The following SV2C variants were observed in gnomAD, a reference collection of about 807,000 sequenced individuals.
SV2C encodes synaptic vesicle glycoprotein 2C, also known as solute carrier family 22 member B3.
A neutral mutation model predicts 79.7 loss-of-function variants in SV2C; 49 were observed. That is an observed-to-expected ratio of 0.61 (90% CI 0.49 to 0.78). The LOEUF is 0.78. SV2C is among the 30% of genes least tolerant of loss of function. The pLI is 0.00. For synonymous variants in SV2C, 334 were observed against 333.2 expected, an observed-to-expected ratio of 1.00 and a Z score of -0.03; for missense variants, 833 against 912.9, an observed-to-expected ratio of 0.91 and a Z score of 1.13.
the SV2C span, among the ~76,000 whole-genome samples, chr5:75,851,802 G>C: frequency 1.3e-5 from 2 of 152,148 alleles, no homozygotes; most frequent in Non-Finnish European, 2.9e-5. Context: ...GGCGCATGGC[G>C]CCACGCCAGG....
the SV2C span, among the ~76,000 whole-genome samples, chr5:75,899,526 A>T: frequency 1.6e-4 from 24 of 152,100 alleles, no homozygotes; most frequent in African/African-American, 5.8e-4. Flanking sequence ...GTGGTGCTGA[A>T]AAAAATGTAT....
At chr5:76,257,923 GTA>G (rs377597253) in intron 4 of SV2C, among the ~76,000 whole-genome samples, 15,250 of 150,266 alleles carry the variant, frequency 0.1, 869 homozygotes, top group South Asian at 0.16. Flanking sequence ...TGTGGTGTGT[GTA>G]TGTGTATGTG....
the SV2C span, among the ~76,000 whole-genome samples, chr5:75,891,160 A>T: frequency 2.6e-5 from 4 of 152,118 alleles, no homozygotes; most frequent in Non-Finnish European, 5.9e-5. Flanking sequence ...ATCAGCAGTC[A>T]GTATTGGTTG....
At chr5:76,052,134 A>C in the SV2C span, among the ~76,000 whole-genome samples, 1 of 152,198 alleles carries the variant, frequency 6.6e-6, no homozygotes. Flanking sequence ...AACTGAAAAG[A>C]AACCCCAAGG....
At chr5:75,945,492 T>A in the SV2C span, among the ~76,000 whole-genome samples, 1 of 151,344 alleles carries the variant, frequency 6.6e-6, no homozygotes, top group Non-Finnish European at 1.5e-5. Flanking sequence ...TTATTATTAT[T>A]TTTTTTGGTA....
At chr5:76,262,250 G>C (rs758228836) in intron 4 of SV2C, among the ~76,000 whole-genome samples, 1 of 152,090 alleles carries the variant, frequency 6.6e-6, no homozygotes, top group African/African-American at 2.4e-5. Flanking sequence ...TTCTCTGATG[G>C]TAGTTTGTAT....
intron 10 of SV2C, 96 bp from the exon 11 acceptor site, chr5:76,300,633 A>G: frequency 7.6e-7 from 1 of 1,315,190 alleles, no homozygotes; most frequent in South Asian, 1.4e-5. Context: ...AGGAATTTAC[A>G]ATACTGGTTT....
At chr5:76,296,483 C>T (rs542234846) in intron 9 of SV2C, among the ~76,000 whole-genome samples, 1 of 152,246 alleles carries the variant, frequency 6.6e-6, no homozygotes, top group South Asian at 2.1e-4. Context: ...ACGGAAGGGT[C>T]TCCTTTATGG....
At chr5:75,952,513 G>A in the SV2C span, among the ~76,000 whole-genome samples, 1 of 151,810 alleles carries the variant, frequency 6.6e-6, no homozygotes, top group Non-Finnish European at 1.5e-5. Context: ...CTGGTGGGAG[G>A]TATTGGATCA....
chr5:76,058,738 A>G, the SV2C span, among the ~76,000 whole-genome samples: 4 of 152,166 alleles, frequency 2.6e-5, no homozygotes, highest in African/African-American at 9.6e-5. Flanking sequence ...CAAAATTAGT[A>G]TAGTAAAGCA....
intron 2 of SV2C, among the ~76,000 whole-genome samples, chr5:76,152,163 G>A (rs778219131): frequency 3.7e-4 from 56 of 152,358 alleles, no homozygotes; most frequent in Non-Finnish European, 6.9e-4. Flanking sequence ...GACACAGGCA[G>A]TGGCCATGAG....
At chr5:75,848,756 A>G in the SV2C span, among the ~76,000 whole-genome samples, 1 of 152,152 alleles carries the variant, frequency 6.6e-6, no homozygotes, top group Non-Finnish European at 1.5e-5. Context: ...ATTGGAACAT[A>G]TATCCTATAT....
the SV2C span, among the ~76,000 whole-genome samples, chr5:75,970,480 G>C: frequency 6.6e-6 from 1 of 151,984 alleles, no homozygotes; most frequent in Non-Finnish European, 1.5e-5. Context: ...AATAAAAAAT[G>C]ACAAAGGGGA....
chr5:76,253,014 GTAA>G (rs1244299694), intron 4 of SV2C, among the ~76,000 whole-genome samples: 3 of 152,158 alleles, frequency 2.0e-5, no homozygotes, highest in Non-Finnish European at 2.9e-5. Context: ...GATCAATTGT[GTAA>G]TAATAACTGC....
chr5:76,034,870 A>G, the SV2C span, among the ~76,000 whole-genome samples: 66 of 152,266 alleles, frequency 4.3e-4, no homozygotes, highest in African/African-American at 1.6e-3. Context: ...CTGTGAATCC[A>G]TCTGGTCCTG....
At chr5:76,118,991 A>G (rs527992228) in intron 1 of SV2C, among the ~76,000 whole-genome samples, 2 of 152,338 alleles carry the variant, frequency 1.3e-5, no homozygotes, top group East Asian at 3.9e-4. Context: ...TTAAAAAGAA[A>G]AGAAAAGGAA....
chr5:76,174,737 G>A (rs187092981), intron 2 of SV2C, among the ~76,000 whole-genome samples: 5 of 152,218 alleles, frequency 3.3e-5, no homozygotes, highest in Admixed American at 3.3e-4. Flanking sequence ...GTGGACCCCT[G>A]CTACAAACCT....
chr5:76,194,751 T>C (rs1325836215), intron 2 of SV2C, among the ~76,000 whole-genome samples, 168 bp from the exon 3 acceptor site: 1 of 152,242 alleles, frequency 6.6e-6, no homozygotes, highest in African/African-American at 2.4e-5. Context: ...TCCATATTGC[T>C]TACTCTTCAA....
intron 4 of SV2C, among the ~76,000 whole-genome samples, chr5:76,271,616 C>CTTTTTTTTTTTTTT (rs34458409): frequency 4.8e-4 from 46 of 96,058 alleles, no homozygotes; most frequent in South Asian, 7.3e-4. Flanking sequence ...AGCATGTGTT[C>CTTTTTTTTTTTTTT]TTTTTTTTTT....
Sources: gnomAD v4.1 joint callset for allele counts (sites outside exome capture counted in the v4.1 genomes callset) on GRCh38, gnomAD v4.1.1 for gene constraint, MANE v1.5 for transcripts, NCBI Gene and HGNC (gene_info 2026-07-23, HGNC 2026-07-21) for gene names.